Variants in GALNT13 observed in about 807,000 individuals in gnomAD.
GALNT13 encodes the protein UDP-GalNAc:polypeptide N-acetylgalactosaminyltransferase 13.
Under a neutral mutation model 64.2 loss-of-function variants are expected in GALNT13, and 28 were observed. The observed-to-expected ratio is 0.44, with a 90% CI of 0.32 to 0.60. The LOEUF (loss-of-function observed/expected upper bound fraction) is 0.60. Ranked by LOEUF, GALNT13 falls within the 20% of genes least tolerant of loss-of-function variation. GALNT13 has a pLI of 0.05. For missense variants in GALNT13, 577 were observed against 669.8 expected, an observed-to-expected ratio of 0.86 and a Z score of 1.53; for synonymous variants, 214 against 224.6, an observed-to-expected ratio of 0.95 and a Z score of 0.42.
chr2:153,336,316 G>T, the GALNT13 span, among the ~76,000 whole-genome samples: 1 of 152,246 alleles, frequency 6.6e-6, no homozygotes, highest in African/African-American at 2.4e-5. Context: ...ACCTGGAAAA[G>T]CTGCAGATGC....
At chr2:153,995,506 AT>A (rs1695462998) in intron 3 of GALNT13, among the ~76,000 whole-genome samples, 1 of 152,038 alleles carries the variant, frequency 6.6e-6, no homozygotes, top group Admixed American at 6.6e-5. Flanking sequence ...TATCATTTAA[AT>A]TTTCTTTTTA....
the GALNT13 span, among the ~76,000 whole-genome samples, chr2:153,185,278 G>A: frequency 1.3e-5 from 2 of 152,122 alleles, no homozygotes; most frequent in East Asian, 3.9e-4. Context: ...TCTGATGGTT[G>A]TATTTCTGTG....
chr2:153,997,686 C>T (rs1440388576), intron 3 of GALNT13, among the ~76,000 whole-genome samples: 1 of 152,018 alleles, frequency 6.6e-6, no homozygotes, highest in East Asian at 1.9e-4. Flanking sequence ...GATACATATG[C>T]AGAACGTGCA....
At chr2:153,095,825 G>GGAATT in the GALNT13 span, among the ~76,000 whole-genome samples, 1 of 152,018 alleles carries the variant, frequency 6.6e-6, no homozygotes, top group Non-Finnish European at 1.5e-5. Context: ...CTCATAGGTG[G>GGAATT]GAATTGAACA....
intron 8 of GALNT13, among the ~76,000 whole-genome samples, chr2:154,280,200 A>C (rs931472822): frequency 6.6e-6 from 1 of 152,126 alleles, no homozygotes; most frequent in African/African-American, 2.4e-5. Context: ...GAGACTGTTT[A>C]TTTATTTATT....
intron 9 of GALNT13, among the ~76,000 whole-genome samples, chr2:154,332,067 T>C (rs1280466625): frequency 6.6e-6 from 1 of 152,146 alleles, no homozygotes; most frequent in Non-Finnish European, 1.5e-5. Context: ...CTATTAGCTC[T>C]GGCATTCAAA....
chr2:153,390,055 C>A, the GALNT13 span, among the ~76,000 whole-genome samples: 1 of 152,056 alleles, frequency 6.6e-6, no homozygotes, highest in South Asian at 2.1e-4. Context: ...AGACTTGGAA[C>A]CAACCCAAAT....
intron 4 of GALNT13, among the ~76,000 whole-genome samples, chr2:154,194,430 T>C (rs1268405985): frequency 2.0e-5 from 3 of 152,222 alleles, no homozygotes; most frequent in Non-Finnish European, 2.9e-5. Flanking sequence ...GGTTGAAGTT[T>C]AACTATGAAA....
intron 4 of GALNT13, among the ~76,000 whole-genome samples, chr2:154,201,876 T>C (rs968192522): frequency 6.6e-6 from 1 of 152,138 alleles, no homozygotes; most frequent in Non-Finnish European, 1.5e-5. Context: ...TTAGAGTGAC[T>C]ATTATTGACA....
At chr2:153,553,058 AG>A in the GALNT13 span, among the ~76,000 whole-genome samples, 1 of 152,188 alleles carries the variant, frequency 6.6e-6, no homozygotes, top group African/African-American at 2.4e-5. Flanking sequence ...TAGAACATAG[AG>A]AAACTATGGT....
At chr2:154,241,287 G>A (rs994774787) in intron 4 of GALNT13, among the ~76,000 whole-genome samples, 4 of 152,134 alleles carry the variant, frequency 2.6e-5, no homozygotes, top group African/African-American at 9.7e-5. Flanking sequence ...GTCTGTAGGG[G>A]TGGAGCCCTA....
chr2:153,483,377 G>A, the GALNT13 span, among the ~76,000 whole-genome samples: 1 of 149,064 alleles, frequency 6.7e-6, no homozygotes, highest in African/African-American at 2.5e-5. Flanking sequence ...TACATAAATG[G>A]AATATTATTC....
At chr2:154,172,150 ATAT>A (rs1020954376) in intron 4 of GALNT13, among the ~76,000 whole-genome samples, 20 of 152,110 alleles carry the variant, frequency 1.3e-4, no homozygotes, top group African/African-American at 4.8e-4. Context: ...TCTAATAAAA[ATAT>A]TATTTTAAAA....
chr2:154,302,222 G>T (rs956068658), intron 9 of GALNT13, among the ~76,000 whole-genome samples: 3 of 151,946 alleles, frequency 2.0e-5, no homozygotes, highest in Non-Finnish European at 4.4e-5. Flanking sequence ...TTACTGGGTG[G>T]TGGGATTATT....
At chr2:153,669,151 C>T in the GALNT13 span, among the ~76,000 whole-genome samples, 2 of 152,318 alleles carry the variant, frequency 1.3e-5, no homozygotes, top group Admixed American at 6.5e-5. Context: ...AGAGCTCCGG[C>T]AGAGTGGCCC....
chr2:153,925,991 T>C (rs1314050628), intron 2 of GALNT13, among the ~76,000 whole-genome samples: 3 of 152,036 alleles, frequency 2.0e-5, no homozygotes, highest in African/African-American at 7.2e-5. Flanking sequence ...AGGATCATGT[T>C]ACCTGCAAAC....
chr2:153,595,712 C>A, the GALNT13 span, among the ~76,000 whole-genome samples: 1 of 151,860 alleles, frequency 6.6e-6, no homozygotes, highest in Non-Finnish European at 1.5e-5. Flanking sequence ...TTAAAAAGTC[C>A]ATTGAAAAAC....
At chr2:154,222,868 C>A (rs937210041) in intron 4 of GALNT13, among the ~76,000 whole-genome samples, 1 of 152,060 alleles carries the variant, frequency 6.6e-6, no homozygotes, top group South Asian at 2.1e-4. Flanking sequence ...AAAAGAGAGA[C>A]AAACTTTTTC....
the GALNT13 span, among the ~76,000 whole-genome samples, chr2:153,246,216 A>C: frequency 1.3e-5 from 2 of 152,192 alleles, no homozygotes; most frequent in Non-Finnish European, 2.9e-5. Flanking sequence ...TCAACTTGAA[A>C]AACATACTTC....
Sources: allele counts gnomAD v4.1 joint callset (sites outside exome capture counted in the v4.1 genomes callset), GRCh38; gene constraint gnomAD v4.1.1; transcripts MANE v1.5; gene names NCBI Gene and HGNC (gene_info 2026-07-23, HGNC 2026-07-21).